PKD1L1: variants seen among roughly 807,000 people sequenced by gnomAD.
PKD1L1 encodes the protein polycystin 1 like 1, transient receptor potential channel interacting.
In PKD1L1, 236 loss-of-function variants were observed where a neutral mutation model predicts 323.4. The ratio of observed to expected loss-of-function variants is 0.73; its 90% CI spans 0.66 to 0.81. The LOEUF is 0.81. Among genes scored for constraint, PKD1L1 ranks in the 40% least tolerant of loss-of-function variants. The pLI is 0.00. For missense variants in PKD1L1, 3,320 were observed against 3,508.0 expected (o/e 0.95, Z 1.35); for synonymous variants, 1,344 against 1,335.0 (o/e 1.01, Z -0.15).
At position 47,948,311 on chromosome 7, in the gene PKD1L1, A is replaced by G. The variant is rs145400995; in HGVS notation, c.44+86T>C. The G allele has an allele frequency of 1.1e-4, 167 of 1,484,220 alleles. 3 individuals are homozygous for G. The East Asian group carries it at 3.7e-3, about 33-fold the overall frequency. 91.9% of individuals were successfully genotyped at this position (1,484,220 alleles called of 1,614,324 possible). On this transcript the variant is annotated intron_variant, in intron 1 of 56. Coordinates refer to ENST00000289672, the MANE Select transcript of PKD1L1 (RefSeq NM_138295.5). ...TCGTGCCAGAGTGAGCCCACATCCT[A>G]GAGGTGATGACTTTTGAAAGAAAAT... is the stretch of plus-strand genomic sequence containing the variant.
rs148810655 is a variant in PKD1L1 at position 47,781,001 on chromosome 7, C to T, written c.8527-5835G>A. Among the ~76,000 whole-genome samples the T allele has an allele frequency of 1.7e-3, 253 of 152,310 alleles. 2 individuals are homozygous for T. The highest frequency in any genetic ancestry group is 5.4e-3 in the African/African-American group (224 of 41,574). On this transcript the variant is annotated intron_variant, in intron 56 of 56. Coordinates refer to ENST00000289672, the MANE Select transcript of PKD1L1 (RefSeq NM_138295.5). The stretch of plus-strand genomic sequence containing the variant: ...CAAACTATTTCCCATAGTTGCTGTA[C>T]CATTTTACATTCCCATCAGTAATGT...
At chr7:47,941,137 C>T (rs756471955) in intron 2 of PKD1L1, among the ~76,000 whole-genome samples, 13 of 152,224 alleles carry the variant, frequency 8.5e-5, no homozygotes, top group Non-Finnish European at 1.3e-4. Flanking sequence ...CCACCCCTCT[C>T]ATCCCCAGGT....
chr7:47,842,212 A>G (rs1271652985), intron 34 of PKD1L1, among the ~76,000 whole-genome samples: 1 of 152,226 alleles, frequency 6.6e-6, no homozygotes, highest in African/African-American at 2.4e-5. Flanking sequence ...TTAAATATAC[A>G]GTTGGTAGAC....
chr7:47,840,076 G>A lies in PKD1L1; in HGVS notation c.5552+385C>T, dbSNP rs531382460. ...TCCTTTCATATTTTCTAAGACGCCA[G>A]GTGCTTGCATCCTATCTTGTTAAAT... On this transcript the variant is annotated intron_variant, in intron 35 of 56. Coordinates refer to ENST00000289672, the MANE Select transcript of PKD1L1 (RefSeq NM_138295.5). The surrounding 1 kb of genome is among the most constrained non-coding windows in gnomAD (Gnocchi z 4.1). Among the ~76,000 whole-genome samples the A allele has an allele frequency of 8.1e-4, 124 of 152,276 alleles. 3 individuals are homozygous for A. The highest frequency in any genetic ancestry group is 2.9e-3 in the African/African-American group (119 of 41,550).
intron 25 of PKD1L1, 134 bp from the exon 26 acceptor site, chr7:47,865,406 G>A: frequency 1.4e-6 from 1 of 710,614 alleles, no homozygotes; most frequent in Non-Finnish European, 2.4e-6. Flanking sequence ...AGACCAATTG[G>A]AGGCCAGACC....
intron 7 of PKD1L1, among the ~76,000 whole-genome samples, chr7:47,925,991 T>C (rs946491281): frequency 6.6e-6 from 1 of 152,202 alleles, no homozygotes; most frequent in Non-Finnish European, 1.5e-5. Flanking sequence ...CTGGGCGCAG[T>C]GGTTCATGCC....
chr7:47,912,853 C>T (rs1160756780), intron 8 of PKD1L1, among the ~76,000 whole-genome samples: 1 of 146,062 alleles, frequency 6.8e-6, no homozygotes, highest in African/African-American at 2.5e-5. Context: ...AGAAATAATT[C>T]TCATGACAAT....
chr7:47,898,313 G>A (rs1787005310), intron 13 of PKD1L1, 119 bp from the exon 14 acceptor site: 1 of 811,874 alleles, frequency 1.2e-6, no homozygotes, highest in Non-Finnish European at 1.9e-6. Flanking sequence ...CATAGTGACA[G>A]AATGGTATTC....
intron 52 of PKD1L1, among the ~76,000 whole-genome samples, chr7:47,807,064 T>G (rs1784794403): frequency 6.6e-6 from 1 of 152,100 alleles, no homozygotes; most frequent in African/African-American, 2.4e-5. Context: ...GTGGGGGCAC[T>G]GGCTCACCAT....
At chr7:47,796,220 T>TA in intron 54 of PKD1L1, 70 bp from the exon 55 acceptor site, 1 of 1,266,784 alleles carries the variant, frequency 7.9e-7, no homozygotes, top group Non-Finnish European at 1.1e-6. Context: ...GTTAACGTGA[T>TA]AAACTATGCA....
intron 45 of PKD1L1, among the ~76,000 whole-genome samples, chr7:47,821,629 G>A (rs747608771): frequency 1.3e-5 from 2 of 150,348 alleles, no homozygotes; most frequent in Non-Finnish European, 3.0e-5. Context: ...GTATAATAGT[G>A]TGAGATGTGT....
In PKD1L1 at chr7:47,813,266, C is replaced by T. The variant is rs762587766; in HGVS notation, c.7201G>A (p.Glu2401Lys). 2.5e-5 allele frequency: 40 copies of T among 1,614,144 alleles called. No homozygotes were observed. Among genetic ancestry groups the T allele is most frequent in the Middle Eastern group, 1.7e-4 (1 of 6,060 alleles). ...KPPRPFSALI[E>K]DSIPTCSPEV... ...GGACTACATGTAGGAATAGAGTCTT[C>T]GATGAGTGCTGAAAATGGCCTGGGA... The change falls in exon 49 of 57, where the codon GAA (glutamate) becomes AAA (lysine). Residue 2401 changes from glutamate to lysine, a missense_variant. By Grantham distance (56) the Glu-to-Lys change is moderately conservative (BLOSUM62 1). Coordinates refer to ENST00000289672, the MANE Select transcript of PKD1L1 (RefSeq NM_138295.5).
At chr7:47,948,204 A>C (rs746726596) in intron 1 of PKD1L1, among the ~76,000 whole-genome samples, 193 bp downstream of exon 1, 1 of 152,190 alleles carries the variant, frequency 6.6e-6, no homozygotes, top group Non-Finnish European at 1.5e-5. Flanking sequence ...GCCTTCAGGA[A>C]AAAACTCCAT....
Position 47,946,477 on chromosome 7 carries a change from C to T in PKD1L1, c.44+1920G>A, listed in dbSNP as rs566248212. ...CCACCCACCACACACACATCGCACA[C>T]ACCACACACCACGCACCACACAAAC... On this transcript the variant is annotated intron_variant, in intron 1 of 56. Transcript: ENST00000289672. The surrounding 1 kb of genome is among the most constrained non-coding windows in gnomAD (Gnocchi z 4.1). 7.0e-6 allele frequency among the ~76,000 whole-genome samples: 1 copy of T among 142,490 alleles called. No individual in the cohort carries two copies. The highest frequency in any genetic ancestry group is 1.5e-5 in the Non-Finnish European group (1 of 64,680). The allele number at this position is 142,490 out of a possible 152,430, so 93.5% of individuals were successfully genotyped here.
chr7:47,849,788 G>A (rs980584718), intron 31 of PKD1L1, among the ~76,000 whole-genome samples: 1 of 152,110 alleles, frequency 6.6e-6, no homozygotes, highest in Admixed American at 6.6e-5. Flanking sequence ...ATCAACCTAC[G>A]AGTGGATAAA....
At chr7:47,797,712 C>T (rs1051771550) in intron 54 of PKD1L1, among the ~76,000 whole-genome samples, 7 of 152,196 alleles carry the variant, frequency 4.6e-5, no homozygotes, top group African/African-American at 1.7e-4. Context: ...CCTGCATGCC[C>T]CCTGTCTAAA....
In PKD1L1 at chr7:47,789,177, A is replaced by G. The variant is rs181767090; in HGVS notation, c.8526+3450T>C. On this transcript the variant is annotated intron_variant, in intron 56 of 56. Transcript: ENST00000289672. Reference sequence around the variant, plus strand: ...AGTTTGAAGGTCGTTCTGGACTTACATGCTTCTTAATAGTTTGGTGTATTT... The same window carrying G: ...AGTTTGAAGGTCGTTCTGGACTTACGTGCTTCTTAATAGTTTGGTGTATTT... Among the ~76,000 whole-genome samples the G allele has an allele frequency of 1.7e-3, 260 of 152,208 alleles. 1 individual carries two copies. The highest frequency in any genetic ancestry group is 6.1e-3 in the African/African-American group (252 of 41,538).
intron 2 of PKD1L1, 60 bp from the exon 3 acceptor site, chr7:47,940,377 C>T (rs925944718): frequency 1.5e-5 from 24 of 1,561,176 alleles, no homozygotes; most frequent in Non-Finnish European, 2.1e-5. Context: ...AAGGTGAGAA[C>T]ATAAAGCTGG....
In PKD1L1 at chr7:47,915,519, C is replaced by T. The variant is rs201104931; in HGVS notation, c.1141G>A (p.Val381Ile). ...CTGTTTTCACTTTGGCACAAGTAAA[C>T]ATTTAAAGTTGTATTTTGTGTCTCT... ...EAETQNTTLN[V>I]YLCQSENSCL... The change falls in exon 8 of 57, where the codon GTT becomes ATT. Residue 381 changes from valine to isoleucine, a missense_variant. Coordinates refer to ENST00000289672, the MANE Select transcript of PKD1L1 (RefSeq NM_138295.5). The T allele has an allele frequency of 3.3e-6, 5 of 1,506,466 alleles. No homozygotes were observed. The East Asian group carries it at 9.0e-5, about 27-fold the overall frequency. 93.3% of individuals were successfully genotyped at this position (1,506,466 alleles called of 1,614,324 possible). A position where few individuals can be genotyped will look rare whatever the true frequency, so the allele number is the denominator to read the frequency against.
Sources: gnomAD v4.1 joint callset for allele counts (sites outside exome capture counted in the v4.1 genomes callset) on GRCh38, gnomAD v4.1.1 for gene constraint, Gnocchi (gnomAD v3.1) non-coding constraint, MANE v1.5 for transcripts, NCBI Gene and HGNC (gene_info 2026-07-23, HGNC 2026-07-21) for gene names.